PHACTR3: variants seen among roughly 807,000 people sequenced by gnomAD.
The protein encoded by PHACTR3 is protein phosphatase 1, regulatory subunit 123.
Under a neutral mutation model 66.8 loss-of-function variants are expected in PHACTR3, and 16 were observed. That is an observed-to-expected ratio of 0.24 (90% confidence interval 0.16 to 0.36). PHACTR3 has a LOEUF of 0.36. Among genes scored for constraint, PHACTR3 ranks in the 10% least tolerant of loss-of-function variants. The pLI is 1.00. For synonymous variants in PHACTR3, 323 were observed against 292.1 expected (o/e 1.11, Z -1.08); for missense variants, 647 against 719.9 (o/e 0.90, Z 1.16).
At chr20:59,773,987 T>C (rs903752819) in intron 6 of PHACTR3, among the ~76,000 whole-genome samples, 1 of 152,272 alleles carries the variant, frequency 6.6e-6, no homozygotes, top group African/African-American at 2.4e-5. Context: ...GTCCTCGCCC[T>C]GAACATTGAT....
In PHACTR3 at chr20:59,794,929, G is replaced by T. The variant is rs993971652; in HGVS notation, c.1175-11112G>T. 1.1e-3 allele frequency among the ~76,000 whole-genome samples: 169 copies of T among 151,988 alleles called. 1 individual carries two copies. Among genetic ancestry groups the T allele is most frequent in the African/African-American group, 3.9e-3 (160 of 41,482 alleles). ...ATTTTCCTTCATTTCTTAGTCTAAA[G>T]ATTTGTCAGCTTTGTCTTTTCAAAA... On this transcript the variant is annotated intron_variant, in intron 7 of 12. Transcript: ENST00000371015.
chr20:59,601,665 G>A (rs560439845), upstream of PHACTR3, among the ~76,000 whole-genome samples: 8 of 152,250 alleles, frequency 5.3e-5, no homozygotes, highest in East Asian at 3.9e-4. Context: ...CAATTTACCC[G>A]GAGACCTTAT....
chr20:59,729,815 C>T (rs1177598002), intron 1 of PHACTR3, among the ~76,000 whole-genome samples: 1 of 152,204 alleles, frequency 6.6e-6, no homozygotes, highest in East Asian at 1.9e-4. Flanking sequence ...GCCCTGATGA[C>T]ATCAGAAATG....
chr20:59,638,405 TG>T (rs2034969884), intron 1 of PHACTR3, among the ~76,000 whole-genome samples: 1 of 146,502 alleles, frequency 6.8e-6, no homozygotes, highest in Non-Finnish European at 1.5e-5. Context: ...GATGGGCAGG[TG>T]GGTGGGTGGA....
At chr20:59,827,358 C>T (rs929157644) in intron 8 of PHACTR3, among the ~76,000 whole-genome samples, 15 of 152,266 alleles carry the variant, frequency 9.9e-5, no homozygotes, top group Non-Finnish European at 2.2e-4. Flanking sequence ...GTGAAGGACT[C>T]ATCTCATCTG....
At chr20:59,601,895 C>T (rs980091288), upstream of PHACTR3, among the ~76,000 whole-genome samples, 1 of 152,154 alleles carries the variant, frequency 6.6e-6, no homozygotes, top group African/African-American at 2.4e-5. Context: ...GGCTCCTGAG[C>T]TCAAATGCCA....
rs371689677 is a variant in PHACTR3 at position 59,845,143 on chromosome 20, A to T, written c.1588-46A>T. The stretch of plus-strand genomic sequence containing the variant: ...TTATAAACACGATGCTAATTTCCTG[A>T]TTTTTTTAATATCCTGTAAAACAAT... On this transcript the variant is annotated intron_variant, in intron 11 of 12. Transcript: ENST00000371015. 6.4e-6 allele frequency: 8 copies of T among 1,243,514 alleles called. No individual in the cohort carries two copies. The South Asian group carries it at 7.5e-5, about 12-fold the overall frequency. 77.0% of individuals were successfully genotyped at this position (1,243,514 alleles called of 1,614,324 possible). A position where few individuals can be genotyped will look rare whatever the true frequency, so the allele number is the denominator to read the frequency against.
At chr20:59,840,531 C>G in intron 10 of PHACTR3, 101 bp downstream of exon 10, 1 of 1,514,524 alleles carries the variant, frequency 6.6e-7, no homozygotes, top group East Asian at 2.3e-5. Context: ...ACTCTGTGAT[C>G]ATGAATAATG....
At chr20:59,616,529 C>T (rs979135829) in intron 1 of PHACTR3, among the ~76,000 whole-genome samples, 3 of 152,246 alleles carry the variant, frequency 2.0e-5, no homozygotes, top group African/African-American at 7.2e-5. Flanking sequence ...AAGCTCCGCT[C>T]AAGGCGTTGC....
At chr20:59,579,369 G>A (rs966492272) in intron 1 of PHACTR3, among the ~76,000 whole-genome samples, 1 of 152,208 alleles carries the variant, frequency 6.6e-6, no homozygotes, top group African/African-American at 2.4e-5. Flanking sequence ...TTGTCAGTGG[G>A]TCAGCAAATG....
intron 8 of PHACTR3, among the ~76,000 whole-genome samples, chr20:59,809,115 C>T (rs2041658722): frequency 6.6e-6 from 1 of 152,092 alleles, no homozygotes; most frequent in African/African-American, 2.4e-5. Context: ...TGTTTCTGGT[C>T]TCCGCTGGGG....
At chr20:59,591,871 A>G (rs1186190726) in intron 1 of PHACTR3, among the ~76,000 whole-genome samples, 2 of 152,174 alleles carry the variant, frequency 1.3e-5, no homozygotes, top group African/African-American at 4.8e-5. Context: ...TAAAGAATAC[A>G]GTAGGATGTA....
At chr20:59,593,950 GTTC>G (rs2033256289) in intron 1 of PHACTR3, among the ~76,000 whole-genome samples, 1 of 152,148 alleles carries the variant, frequency 6.6e-6, no homozygotes, top group Non-Finnish European at 1.5e-5. Flanking sequence ...TTCCAACTTT[GTTC>G]TTCTCCTTCA....
intron 5 of PHACTR3, among the ~76,000 whole-genome samples, chr20:59,772,883 G>A (rs938739733): frequency 3.9e-5 from 6 of 152,286 alleles, no homozygotes; most frequent in Admixed American, 2.0e-4. Flanking sequence ...AGGGCAGAGC[G>A]GACCATGGTG....
intron 7 of PHACTR3, among the ~76,000 whole-genome samples, chr20:59,784,318 A>G (rs900979962): frequency 8.6e-5 from 11 of 128,366 alleles, no homozygotes; most frequent in South Asian, 4.8e-4. Context: ...GTGTGGATGT[A>G]TATATATATA....
In PHACTR3 at chr20:59,806,031, G is replaced by A; in HGVS notation, c.1175-10G>A. On this transcript the variant is annotated splice_polypyrimidine_tract_variant and intron_variant, in intron 7 of 12. Coordinates refer to ENST00000371015, the MANE Select transcript of PHACTR3 (RefSeq NM_080672.5). The stretch of plus-strand genomic sequence containing the variant: ...CCCTTCTCTCCTCTTGCCCTGGATG[G>A]GGCTTTTAGGAACACTGCCACGGAA... The A allele has an allele frequency of 6.2e-7, 1 of 1,612,284 alleles. No homozygotes were observed. The highest frequency in any genetic ancestry group is 8.5e-7 in the Non-Finnish European group (1 of 1,179,140).
chr20:59,837,223 GTCATTT>G (rs2058982639), intron 9 of PHACTR3, among the ~76,000 whole-genome samples: 1 of 152,172 alleles, frequency 6.6e-6, no homozygotes, highest in South Asian at 2.1e-4. Flanking sequence ...TCTTTATCTA[GTCATTT>G]TCAGTTTTTA....
At chr20:59,697,452 T>C (rs1334263305) in intron 1 of PHACTR3, among the ~76,000 whole-genome samples, 1 of 152,182 alleles carries the variant, frequency 6.6e-6, no homozygotes, top group Non-Finnish European at 1.5e-5. Context: ...CCCTAACAAA[T>C]GTCAAAGGAT....
chr20:59,602,621 C>A (rs1000694204), upstream of PHACTR3, among the ~76,000 whole-genome samples: 1 of 152,104 alleles, frequency 6.6e-6, no homozygotes, highest in Non-Finnish European at 1.5e-5. Flanking sequence ...TTTCTCCTCC[C>A]CCCCACCTAT....
Sources: allele counts gnomAD v4.1 joint callset (sites outside exome capture counted in the v4.1 genomes callset), GRCh38; gene constraint gnomAD v4.1.1; transcripts MANE v1.5; gene names NCBI Gene and HGNC (gene_info 2026-07-23, HGNC 2026-07-21).